The following TRIM37 variants were observed in gnomAD, a reference collection of about 807,000 sequenced individuals.
The protein encoded by TRIM37 is tripartite motif containing 37.
In TRIM37, 80 loss-of-function variants were observed where a neutral mutation model predicts 129.8. The observed-to-expected ratio is 0.62, with a 90% CI of 0.51 to 0.74. TRIM37 has a LOEUF of 0.74. TRIM37 is among the 30% of genes least tolerant of loss of function. The probability of loss-of-function intolerance (pLI) is 0.00; values close to 1 mark genes in which losing one functional copy is unlikely to be tolerated. For missense variants in TRIM37, 1,054 were observed against 1,176.5 expected (o/e 0.90, Z 1.52); for synonymous variants, 389 against 387.1 (o/e 1.00, Z -0.06).
At position 58,999,184 on chromosome 17, in the gene TRIM37, T is replaced by G; in HGVS notation, c.*193A>C. 7.0e-7 allele frequency: 1 copy of G among 1,434,962 alleles called. No individual in the cohort carries two copies. The allele number at this position is 1,434,962 out of a possible 1,614,324, so 88.9% of individuals were successfully genotyped here. ...ATTACAAAGAACTCTTCCCATACTGTTTTTCCCATGTACTACTGCTGTCTT... is the reference window on the plus strand; with the variant it reads ...ATTACAAAGAACTCTTCCCATACTGGTTTTCCCATGTACTACTGCTGTCTT... On this transcript the variant is annotated 3_prime_UTR_variant, in exon 24 of 24. Transcript: ENST00000262294.
At chr17:58,981,016 C>T (rs749615588), downstream of TRIM37, 1 of 1,589,346 alleles carries the variant, frequency 6.3e-7, no homozygotes, top group South Asian at 1.2e-5. Flanking sequence ...TTCCTTGGAG[C>T]TATAAAATAG....
intron 23 of TRIM37, among the ~76,000 whole-genome samples, chr17:59,001,361 T>C (rs2033727893): frequency 6.6e-6 from 1 of 151,498 alleles, no homozygotes; most frequent in South Asian, 2.1e-4. Context: ...TAGCACTCAT[T>C]AGGTGCAACC....
chr17:59,047,987 A>G (rs1382887541), intron 15 of TRIM37, among the ~76,000 whole-genome samples, 168 bp from the exon 16 acceptor site: 1 of 152,160 alleles, frequency 6.6e-6, no homozygotes, highest in Non-Finnish European at 1.5e-5. Flanking sequence ...TCACACAACC[A>G]CACTGACTGA....
chr17:59,031,020 T>C (rs2037784899), intron 18 of TRIM37, among the ~76,000 whole-genome samples: 1 of 152,184 alleles, frequency 6.6e-6, no homozygotes, highest in Non-Finnish European at 1.5e-5. Flanking sequence ...AAGCTGAGGA[T>C]CCAGACTTTC....
At chr17:59,072,020 C>G (rs1204871042) in intron 8 of TRIM37, among the ~76,000 whole-genome samples, 4 of 152,180 alleles carry the variant, frequency 2.6e-5, no homozygotes, top group African/African-American at 9.7e-5. Context: ...CCTCCAGTAC[C>G]TCAGTCTATC....
intron 22 of TRIM37, among the ~76,000 whole-genome samples, chr17:59,012,018 C>T (rs2035317327): frequency 6.6e-6 from 1 of 152,102 alleles, no homozygotes; most frequent in Non-Finnish European, 1.5e-5. Flanking sequence ...CAGATTTTTT[C>T]CCCATACAAA....
At chr17:59,070,751 AT>A in intron 9 of TRIM37, 71 bp downstream of exon 9, 2 of 1,495,680 alleles carry the variant, frequency 1.3e-6, no homozygotes, top group Non-Finnish European at 1.8e-6. Context: ...AAAAAAAAAC[AT>A]TCTTTTGAAA....
intron 8 of TRIM37, chr17:59,073,081 A>G (rs2042522127): frequency 6.6e-6 from 1 of 152,228 alleles, no homozygotes; most frequent in Non-Finnish European, 1.5e-5. Context: ...ACTTATATTA[A>G]TTGAATGCTT....
intron 8 of TRIM37, among the ~76,000 whole-genome samples, chr17:59,075,363 A>C (rs2042718980): frequency 6.6e-6 from 1 of 152,116 alleles, no homozygotes; most frequent in South Asian, 2.1e-4. Context: ...GGAGATCGAG[A>C]CCATCCCAGC....
At chr17:58,999,701 T>C (rs1406758524) in intron 23 of TRIM37, among the ~76,000 whole-genome samples, 1 of 152,156 alleles carries the variant, frequency 6.6e-6, no homozygotes, top group East Asian at 1.9e-4. Context: ...AATTAAAAGA[T>C]GACAGGAATT....
At chr17:58,975,413 G>C in the TRIM37 span, among the ~76,000 whole-genome samples, 1 of 152,168 alleles carries the variant, frequency 6.6e-6, no homozygotes, top group African/African-American at 2.4e-5. Context: ...AAGGAGGGAG[G>C]AATGCCTGAG....
intron 9 of TRIM37, among the ~76,000 whole-genome samples, chr17:59,066,434 C>CTTA (rs922971929): frequency 7.2e-5 from 11 of 152,330 alleles, no homozygotes; most frequent in African/African-American, 2.6e-4. Context: ...TATTTCTGCT[C>CTTA]TAAGTCCAGA....
At position 59,057,071 on chromosome 17, in the gene TRIM37, G is replaced by A. The variant is rs753997474; in HGVS notation, c.1020-17C>T. ...TATTCATATCTAAAATTGAAAAACA[G>A]ACCATTACTATACAGTTAGTAAAGT... On this transcript the variant is annotated splice_polypyrimidine_tract_variant and intron_variant, in intron 12 of 23. Transcript: ENST00000262294. The A allele has an allele frequency of 1.2e-6, 2 of 1,609,696 alleles. No individual in the cohort carries two copies. Among genetic ancestry groups the A allele is most frequent in the African/African-American group, 2.7e-5 (2 of 74,820 alleles).
rs2040108705 is a variant in TRIM37, at chr17:59,049,189, C to T, written c.1519G>A (p.Glu507Lys). The T allele has an allele frequency of 8.1e-6, 13 of 1,613,806 alleles. No individual in the cohort carries two copies. Among genetic ancestry groups the T allele is most frequent in the South Asian group, 1.1e-5 (1 of 91,090 alleles). The stretch of plus-strand genomic sequence containing the variant: ...GGCCTCATTATTACATGATAATCTT[C>T]ATTCTGAATCTTCTCCTCATCTTCT... ...DEEDEEKIQN[E>K]DYHHELSDGD... Residue 507 changes from glutamate to lysine, a missense_variant, in exon 15 of 24, where the codon GAA becomes AAA. Coordinates refer to ENST00000262294, the MANE Select transcript of TRIM37 (RefSeq NM_015294.6).
chr17:59,056,870 G>C lies in TRIM37; in HGVS notation c.1199+5C>G, dbSNP rs749856451. On this transcript the variant is annotated splice_donor_5th_base_variant and intron_variant, in intron 13 of 23. Transcript: ENST00000262294. ...AAAACCACAACATCAAATTTTTCCT[G>C]TTACCTTAAAATCACTGTATCATTT... 15 of 1,611,482 alleles carry C rather than the reference G, an allele frequency of 9.3e-6. No homozygotes were observed. In the Admixed American group the frequency reaches 1.7e-4, roughly 18 times the overall value.
intron 17 of TRIM37, among the ~76,000 whole-genome samples, chr17:59,035,213 T>C (rs1321403324): frequency 1.3e-5 from 2 of 151,710 alleles, no homozygotes; most frequent in East Asian, 2.0e-4. Context: ...GCGTGCGCCA[T>C]TGCACCAAGC....
intron 21 of TRIM37, 116 bp from the exon 22 acceptor site, chr17:59,012,562 A>C (rs1431747485): frequency 1.1e-5 from 8 of 727,532 alleles, no homozygotes; most frequent in Non-Finnish European, 1.9e-5. Context: ...CTTAATACTA[A>C]ATTTCAAATT....
chr17:58,982,763 T>C, exon 25 of TRIM37: 1 of 588,590 alleles, frequency 1.7e-6, no homozygotes, highest in Non-Finnish European at 2.9e-6. Flanking sequence ...CTGTGACAAA[T>C]GGTTGAAAAG....
chr17:59,078,807 A>G (rs1354627672), intron 7 of TRIM37, among the ~76,000 whole-genome samples: 1 of 152,166 alleles, frequency 6.6e-6, no homozygotes, highest in Admixed American at 6.5e-5. Context: ...GTGCTTTCCA[A>G]TCTAACTACT....
Sources: gnomAD v4.1 joint callset for allele counts (sites outside exome capture counted in the v4.1 genomes callset) on GRCh38, gnomAD v4.1.1 for gene constraint, MANE v1.5 for transcripts, NCBI Gene and HGNC (gene_info 2026-07-23, HGNC 2026-07-21) for gene names.